Variants in MED12L observed in about 807,000 individuals in gnomAD.
MED12L encodes the protein mediator of RNA polymerase II transcription subunit 12-like protein.
In MED12L, 60 loss-of-function variants were observed where a neutral mutation model predicts 281.3. The ratio of observed to expected loss-of-function variants is 0.21; its 90% confidence interval spans 0.17 to 0.26. The LOEUF is 0.26. Ranked by LOEUF, MED12L falls within the 10% of genes least tolerant of loss-of-function variation. The probability of loss-of-function intolerance (pLI) is 1.00; values close to 1 mark genes in which losing one functional copy is unlikely to be tolerated. For synonymous variants in MED12L, 974 were observed against 987.2 expected (o/e 0.99, Z 0.25); for missense variants, 2,146 against 2,680.9 (o/e 0.80, Z 4.41).
intron 16 of MED12L, among the ~76,000 whole-genome samples, chr3:151,272,462 A>G (rs1272623891): frequency 6.6e-6 from 1 of 152,204 alleles, no homozygotes; most frequent in Non-Finnish European, 1.5e-5. Context: ...TCTGTTCTCC[A>G]GGTGCACCAG....
At chr3:151,190,321 A>G (rs150772925) in intron 13 of MED12L, among the ~76,000 whole-genome samples, 3,239 of 151,818 alleles carry the variant, frequency 0.021, 121 homozygotes, top group East Asian at 0.18. Flanking sequence ...ACAGGCACCC[A>G]CCACCATGCC....
In MED12L at chr3:151,199,158, C is replaced by T. The variant is rs758775275; in HGVS notation, c.2250+5492C>T. On this transcript the variant is annotated intron_variant, in intron 16 of 44. Transcript: ENST00000687756. ...AATATCTTCAGCTTCCAAGGTGCCA[C>T]ACCCAAGTCAACAACAATTTTCACT... 6.2e-6 allele frequency: 10 copies of T among 1,614,060 alleles called. No homozygotes were observed. In the Admixed American group the frequency reaches 6.7e-5, roughly 11 times the overall value.
At chr3:151,267,095 C>T (rs934745638) in intron 16 of MED12L, among the ~76,000 whole-genome samples, 6 of 152,168 alleles carry the variant, frequency 3.9e-5, no homozygotes, top group South Asian at 2.1e-4. Context: ...TCATTTCTTG[C>T]GTGTTAGAAC....
At chr3:151,161,513 C>G (rs907485982) in intron 8 of MED12L, among the ~76,000 whole-genome samples, 5 of 152,054 alleles carry the variant, frequency 3.3e-5, no homozygotes, top group African/African-American at 7.2e-5. Context: ...GTTGGCCAGA[C>G]TGGAGAGAGA....
intron 5 of MED12L, among the ~76,000 whole-genome samples, chr3:151,129,494 C>A (rs1336410360): frequency 6.6e-6 from 1 of 151,642 alleles, no homozygotes; most frequent in Non-Finnish European, 1.5e-5. Flanking sequence ...GTTTATTCCC[C>A]CCATCAGCAT....
At chr3:151,199,944 G>A (rs3773615) in intron 16 of MED12L, among the ~76,000 whole-genome samples, 6 of 151,642 alleles carry the variant, frequency 4.0e-5, no homozygotes, top group South Asian at 2.1e-4. Context: ...CAGCCTGGTC[G>A]CAAGAGTCTG....
At chr3:151,181,576 CTT>C (rs57658133) in intron 11 of MED12L, among the ~76,000 whole-genome samples, 617 of 47,088 alleles carry the variant, frequency 0.013, 7 homozygotes, top group African/African-American at 0.028. Flanking sequence ...AGCTCATTGT[CTT>C]TTTTTTTTTT....
At chr3:151,196,691 G>T (rs35995638) in intron 16 of MED12L, among the ~76,000 whole-genome samples, 62,555 of 152,120 alleles carry the variant, frequency 0.41, 15,310 homozygotes, top group Non-Finnish European at 0.54. Flanking sequence ...GATGTGTGAG[G>T]CTGCTGGAGT....
Position 151,154,364 on chromosome 3 carries a change from ACATT to A in MED12L, c.557-1793_557-1790del, listed in dbSNP as rs1226854010. 2.0e-5 allele frequency among the ~76,000 whole-genome samples: 3 copies of A among 152,182 alleles called. No homozygotes were observed. The East Asian group carries it at 5.8e-4, about 29-fold the overall frequency. ...AAAAGATATGCATATGTTTATAGAA[ACATT>A]CATGCATACTTAGAGTAGAAAAGAT... On this transcript the variant is annotated intron_variant, in intron 5 of 44. Transcript: ENST00000687756.
Position 151,241,185 on chromosome 3 carries a change from A to G in MED12L, c.2250+47519A>G, listed in dbSNP as rs544350969. Reference sequence around the variant, plus strand: ...TTCTCCTTGCCCTTTGGCATCTGGGATTGCCTTTTGAGACTATATCTCTTT... The same window carrying G: ...TTCTCCTTGCCCTTTGGCATCTGGGGTTGCCTTTTGAGACTATATCTCTTT... On this transcript the variant is annotated intron_variant, in intron 16 of 44. Transcript: ENST00000687756. Among the ~76,000 whole-genome samples, 108 of 152,300 alleles carry G rather than the reference A, an allele frequency of 7.1e-4. 1 individual carries two copies. The highest frequency in any genetic ancestry group is 5.8e-3 in the South Asian group (28 of 4,826).
At chr3:151,380,082 A>C (rs749023537) in intron 31 of MED12L, 31 bp from the exon 32 acceptor site, 23 of 1,326,060 alleles carry the variant, frequency 1.7e-5, no homozygotes, top group Non-Finnish European at 2.1e-5. Context: ...ATTTCTAACT[A>C]GATCTGTTGT....
intron 16 of MED12L, among the ~76,000 whole-genome samples, chr3:151,216,782 TAAGG>T (rs1003536770): frequency 1.4e-4 from 22 of 152,294 alleles, no homozygotes; most frequent in Admixed American, 4.6e-4. Flanking sequence ...TTTTAAAAGA[TAAGG>T]GAGGGGGAGC....
intron 2 of MED12L, among the ~76,000 whole-genome samples, chr3:151,102,717 G>A (rs778716653): frequency 2.6e-5 from 4 of 152,088 alleles, no homozygotes; most frequent in Non-Finnish European, 5.9e-5. Flanking sequence ...TCAAGTGATC[G>A]TCGCCTGGGC....
At chr3:151,183,462 T>C (rs1329915797) in intron 11 of MED12L, among the ~76,000 whole-genome samples, 2 of 152,268 alleles carry the variant, frequency 1.3e-5, no homozygotes, top group African/African-American at 2.4e-5. Context: ...TCGTGTGTGC[T>C]GTGTGTACAC....
chr3:151,354,321 C>T (rs1219191795), intron 17 of MED12L, among the ~76,000 whole-genome samples: 1 of 151,876 alleles, frequency 6.6e-6, no homozygotes, highest in Admixed American at 6.6e-5. Context: ...AAGAGTACCC[C>T]TAGAATAAGC....
intron 16 of MED12L, among the ~76,000 whole-genome samples, chr3:151,305,831 A>G (rs955121428): frequency 6.6e-6 from 1 of 152,188 alleles, no homozygotes; most frequent in Non-Finnish European, 1.5e-5. Flanking sequence ...CTAGAGGTCT[A>G]GTTTTATTTG....
intron 43 of MED12L, among the ~76,000 whole-genome samples, chr3:151,421,326 C>A (rs1408204863): frequency 6.6e-6 from 1 of 152,164 alleles, no homozygotes; most frequent in Non-Finnish European, 1.5e-5. Context: ...CAGAGAGGTC[C>A]AGCCACATAC....
intron 2 of MED12L, among the ~76,000 whole-genome samples, chr3:151,103,585 G>A (rs1356459077): frequency 1.3e-5 from 2 of 152,202 alleles, no homozygotes; most frequent in East Asian, 1.9e-4. Flanking sequence ...TGGGCCATAT[G>A]TGCTGGTCAT....
intron 3 of MED12L, among the ~76,000 whole-genome samples, chr3:151,118,219 A>G (rs1713173581): frequency 6.6e-6 from 1 of 152,172 alleles, no homozygotes; most frequent in Non-Finnish European, 1.5e-5. Context: ...AAACACACAT[A>G]CAAATGAAAA....
Sources: gnomAD v4.1 joint callset for allele counts (sites outside exome capture counted in the v4.1 genomes callset) on GRCh38, gnomAD v4.1.1 for gene constraint, MANE v1.5 for transcripts, NCBI Gene and HGNC (gene_info 2026-07-23, HGNC 2026-07-21) for gene names.